KCNJ16: variants seen among roughly 807,000 people sequenced by gnomAD.
KCNJ16 encodes the protein potassium inwardly rectifying channel subfamily J member 16.
KCNJ16 carries 15 observed loss-of-function variants against 18.5 expected under a neutral mutation model. The observed-to-expected ratio is 0.81, with a 90% CI of 0.54 to 1.25. KCNJ16 has a LOEUF of 1.25. KCNJ16 is among the 50% of genes most tolerant of loss of function. The probability of loss-of-function intolerance (pLI) is 0.00; values close to 1 mark genes in which losing one functional copy is unlikely to be tolerated. For synonymous variants in KCNJ16, 174 were observed against 186.5 expected (o/e 0.93, Z 0.55); for missense variants, 523 against 525.7 (o/e 0.99, Z 0.05).
At chr17:70,126,250 G>T (rs866744727) in intron 2 of KCNJ16, among the ~76,000 whole-genome samples, 59 of 152,170 alleles carry the variant, frequency 3.9e-4, no homozygotes, top group African/African-American at 1.3e-3. Flanking sequence ...ACATTTCCTG[G>T]GTCTGTTAGG....
At chr17:70,106,075 G>A (rs1398919734) in intron 2 of KCNJ16, among the ~76,000 whole-genome samples, 1 of 152,064 alleles carries the variant, frequency 6.6e-6, no homozygotes. Context: ...TGTTATCATT[G>A]AGCCATATGC....
intron 1 of KCNJ16, among the ~76,000 whole-genome samples, chr17:70,090,212 T>C (rs2072021767): frequency 6.6e-6 from 1 of 152,186 alleles, no homozygotes; most frequent in Non-Finnish European, 1.5e-5. Flanking sequence ...TGTGATTGAA[T>C]GGGGGTAATT....
Position 70,130,889 on chromosome 17 carries a change from A to G in KCNJ16, c.-180A>G. The G allele has an allele frequency of 7.6e-7, 1 of 1,324,344 alleles. No individual in the cohort carries two copies. The highest frequency in any genetic ancestry group is 1.0e-6 in the Non-Finnish European group (1 of 953,980). The allele number at this position is 1,324,344 out of a possible 1,614,324, so 82.0% of individuals were successfully genotyped here. A position where few individuals can be genotyped will look rare whatever the true frequency, so the allele number is the denominator to read the frequency against. On this transcript the variant is annotated 5_prime_UTR_variant, in exon 3 of 4. Coordinates refer to ENST00000392671, the MANE Select transcript of KCNJ16 (RefSeq NM_170741.4). ...GTTTGTTTTGCACAGGAGTAACTCA[A>G]GATGATTTTGATGTTGCAGTTTTAA...
chr17:70,101,295 T>C (rs1414584118), intron 2 of KCNJ16: 2 of 152,166 alleles, frequency 1.3e-5, no homozygotes, highest in Non-Finnish European at 1.5e-5. Context: ...GCCCTAAATA[T>C]TGAGGTTGAG....
chr17:70,124,354 T>C (rs1021953285), intron 2 of KCNJ16, among the ~76,000 whole-genome samples: 1 of 152,162 alleles, frequency 6.6e-6, no homozygotes, highest in African/African-American at 2.4e-5. Flanking sequence ...GCCTCTCCAA[T>C]GTAAACTGCA....
Position 70,126,764 on chromosome 17 carries a change from T to C in KCNJ16, c.-190-4115T>C, listed in dbSNP as rs2073869686. 2.0e-5 allele frequency among the ~76,000 whole-genome samples: 3 copies of C among 152,200 alleles called. No individual in the cohort carries two copies. In the South Asian group the frequency reaches 6.2e-4, roughly 32 times the overall value. ...CCAACCTAATATTAAGGGAATTTGA[T>C]TTCTAAACTCGGTAACTTAAAATTA... On this transcript the variant is annotated intron_variant, in intron 2 of 3. Coordinates refer to ENST00000392671, the MANE Select transcript of KCNJ16 (RefSeq NM_170741.4).
chr17:70,093,092 G>A (rs2072198455), intron 1 of KCNJ16, among the ~76,000 whole-genome samples: 1 of 152,180 alleles, frequency 6.6e-6, no homozygotes. Flanking sequence ...TTGAAAGTTA[G>A]TAAAAGATTC....
At chr17:70,081,903 T>C (rs1200007010) in intron 1 of KCNJ16, among the ~76,000 whole-genome samples, 4 of 152,140 alleles carry the variant, frequency 2.6e-5, no homozygotes, top group Non-Finnish European at 4.4e-5. Flanking sequence ...TAATACAACA[T>C]TGTGGACCTG....
rs938052385 is a variant in KCNJ16 at position 70,135,256 on chromosome 17, G to A, written c.*1912G>A. 1.2e-5 allele frequency: 2 copies of A among 166,862 alleles called. No individual in the cohort carries two copies. The highest frequency in any genetic ancestry group is 2.9e-5 in the Non-Finnish European group (2 of 68,112). 10.3% of individuals were successfully genotyped at this position (166,862 alleles called of 1,614,324 possible). On this transcript the variant is annotated 3_prime_UTR_variant, in exon 4 of 4. Transcript: ENST00000392671. ...CAGCAGCAATTACTTGGCTAAATTA[G>A]AGTACTGCAATCTTGTAAGTAGAAA...
chr17:70,115,457 A>C (rs886312402), intron 2 of KCNJ16, among the ~76,000 whole-genome samples: 1 of 152,154 alleles, frequency 6.6e-6, no homozygotes, highest in African/African-American at 2.4e-5. Context: ...ATCTAGCAAT[A>C]GAGACCTCAA....
chr17:70,085,084 G>C (rs1422855635), intron 1 of KCNJ16, among the ~76,000 whole-genome samples: 1 of 152,104 alleles, frequency 6.6e-6, no homozygotes, highest in East Asian at 1.9e-4. Flanking sequence ...TGACAGGTGA[G>C]CTCATCATCT....
At chr17:70,124,523 T>C (rs1344329218) in intron 2 of KCNJ16, among the ~76,000 whole-genome samples, 1 of 152,200 alleles carries the variant, frequency 6.6e-6, no homozygotes, top group African/African-American at 2.4e-5. Context: ...GGTTTCCTTA[T>C]ACAATGAAAG....
At chr17:70,118,019 T>C (rs1283568408) in intron 2 of KCNJ16, among the ~76,000 whole-genome samples, 1 of 152,152 alleles carries the variant, frequency 6.6e-6, no homozygotes, top group Admixed American at 6.5e-5. Flanking sequence ...GTTTGTGTGA[T>C]GTAGGGGAGG....
chr17:70,131,905 A>G, intron 3 of KCNJ16, 90 bp from the exon 4 acceptor site: 1 of 1,084,286 alleles, frequency 9.2e-7, no homozygotes, highest in Non-Finnish European at 1.3e-6. Context: ...GCTATTTTAG[A>G]TGGTATGACA....
intron 1 of KCNJ16, among the ~76,000 whole-genome samples, chr17:70,099,910 T>C (rs1367500881): frequency 6.6e-6 from 1 of 152,252 alleles, no homozygotes; most frequent in Non-Finnish European, 1.5e-5. Context: ...TTTTGAAATC[T>C]ATTAGGATAA....
intron 2 of KCNJ16, among the ~76,000 whole-genome samples, chr17:70,114,068 G>A (rs1009078571): frequency 1.3e-5 from 2 of 151,980 alleles, no homozygotes; most frequent in Non-Finnish European, 2.9e-5. Context: ...TATATTTTAA[G>A]GCCTTCTTAA....
At chr17:70,109,363 T>C (rs1302580735) in intron 2 of KCNJ16, among the ~76,000 whole-genome samples, 5 of 152,126 alleles carry the variant, frequency 3.3e-5, no homozygotes, top group Non-Finnish European at 7.4e-5. Flanking sequence ...ATGTAAGAAG[T>C]GTTTCTCTCT....
intron 1 of KCNJ16, among the ~76,000 whole-genome samples, chr17:70,083,282 T>TAA (rs1280499331): frequency 6.7e-6 from 1 of 149,312 alleles, no homozygotes; most frequent in Non-Finnish European, 1.5e-5. Context: ...TGTGTATATA[T>TAA]AATACATATC....
Position 70,133,481 on chromosome 17 carries a change from T to C in KCNJ16, c.*137T>C, listed in dbSNP as rs2074138714. On this transcript the variant is annotated 3_prime_UTR_variant, in exon 4 of 4. Coordinates refer to ENST00000392671, the MANE Select transcript of KCNJ16 (RefSeq NM_170741.4). ...CTGGGTAAGTAGAGTAAGTTAAACT[T>C]GGTAAAAGATAATCTAAAAATTCCA... 1 of 684,830 alleles carries C rather than the reference T, an allele frequency of 1.5e-6. No homozygotes were observed. Among genetic ancestry groups the C allele is most frequent in the Non-Finnish European group, 2.4e-6 (1 of 423,096 alleles). The allele number at this position is 684,830 out of a possible 1,614,324, so 42.4% of individuals were successfully genotyped here. A position where few individuals can be genotyped will look rare whatever the true frequency, so the allele number is the denominator to read the frequency against.
Sources: gnomAD v4.1 joint callset for allele counts (sites outside exome capture counted in the v4.1 genomes callset) on GRCh38, gnomAD v4.1.1 for gene constraint, MANE v1.5 for transcripts, NCBI Gene and HGNC (gene_info 2026-07-23, HGNC 2026-07-21) for gene names.